The following PRKD1 variants were observed in gnomAD, a reference collection of about 807,000 sequenced individuals.
PRKD1 encodes the protein serine/threonine-protein kinase D1.
A neutral mutation model predicts 95.9 loss-of-function variants in PRKD1; 63 were observed. The observed-to-expected ratio is 0.66, with a 90% confidence interval of 0.54 to 0.81. The LOEUF is 0.81. Ranked by LOEUF, PRKD1 falls within the 30% of genes least tolerant of loss-of-function variation. The probability of loss-of-function intolerance (pLI) is 0.00; values close to 1 mark genes in which losing one functional copy is unlikely to be tolerated. For missense variants in PRKD1, 1,048 were observed against 1,165.3 expected, an observed-to-expected ratio of 0.90 and a Z score of 1.47; for synonymous variants, 425 against 423.1, an observed-to-expected ratio of 1.00 and a Z score of -0.05.
Position 29,725,625 on chromosome 14 carries a change from C to T in PRKD1, c.314G>A (p.Arg105His), listed in dbSNP as rs368595371. 15 of 1,613,152 alleles carry T rather than the reference C, an allele frequency of 9.3e-6. No individual in the cohort carries two copies. The highest frequency in any genetic ancestry group is 5.0e-5 in the Admixed American group (3 of 59,912). Residue 105 changes from arginine (R) to histidine (H), a missense_variant, in exon 2 of 18, where the codon CGC becomes CAC. Arg to His is a conservative substitution (Grantham distance 29). This residue lies in a region of PRKD1 where 275 missense variants were observed against 248.6 expected (regional missense o/e 1.11). Transcript: ENST00000331968. ...YGMYDKILLFRHDPTSENILQ... is the reference protein window; with the variant it reads ...YGMYDKILLFHHDPTSENILQ... Reference sequence around the variant, plus strand: ...GATGTTTTCAGAGGTAGGGTCATGGCGAAAAAGCAGGATCTTATCATACAT... The same window carrying T: ...GATGTTTTCAGAGGTAGGGTCATGGTGAAAAAGCAGGATCTTATCATACAT...
chr14:29,726,511 A>T (rs1050065521), intron 1 of PRKD1, among the ~76,000 whole-genome samples: 7 of 152,180 alleles, frequency 4.6e-5, no homozygotes, highest in African/African-American at 1.7e-4. Context: ...TTCATCCTGG[A>T]ACTGATGACA....
chr14:29,863,415 G>C (rs2139363184), intron 1 of PRKD1, among the ~76,000 whole-genome samples: 1 of 152,242 alleles, frequency 6.6e-6, no homozygotes, highest in East Asian at 1.9e-4. Flanking sequence ...CTCCCCTGGA[G>C]ATCGAAATGA....
chr14:29,621,708 A>G (rs2139082279), intron 13 of PRKD1, among the ~76,000 whole-genome samples: 1 of 152,318 alleles, frequency 6.6e-6, no homozygotes. Context: ...CCATGACAGC[A>G]AAGAGCTGTG....
chr14:29,593,779 G>A (rs1464051618), intron 16 of PRKD1, among the ~76,000 whole-genome samples: 1 of 152,168 alleles, frequency 6.6e-6, no homozygotes, highest in Non-Finnish European at 1.5e-5. Flanking sequence ...CTAAGTTACA[G>A]ATAGGTTTCT....
At chr14:29,766,227 T>G (rs891161880) in intron 1 of PRKD1, among the ~76,000 whole-genome samples, 2 of 152,104 alleles carry the variant, frequency 1.3e-5, no homozygotes, top group Admixed American at 6.6e-5. Context: ...ATCATATTGG[T>G]TCTTACTATA....
At chr14:29,873,091 C>T (rs1594593084) in intron 1 of PRKD1, among the ~76,000 whole-genome samples, 2 of 151,996 alleles carry the variant, frequency 1.3e-5, no homozygotes, top group Admixed American at 1.3e-4. Context: ...TATTATTTTA[C>T]TTTTTATTTT....
intron 1 of PRKD1, among the ~76,000 whole-genome samples, chr14:29,761,738 C>G (rs1422195604): frequency 6.6e-6 from 1 of 151,228 alleles, no homozygotes; most frequent in Non-Finnish European, 1.5e-5. Flanking sequence ...CCTTTTTACC[C>G]TTTAATAGGA....
chr14:29,852,843 A>G (rs777082047), intron 1 of PRKD1, among the ~76,000 whole-genome samples: 22 of 152,202 alleles, frequency 1.4e-4, no homozygotes, highest in Non-Finnish European at 2.2e-4. Context: ...TAGAAAGCAT[A>G]TAAAAAACAA....
At chr14:29,585,946 G>A (rs1286332745) in intron 16 of PRKD1, among the ~76,000 whole-genome samples, 2 of 152,196 alleles carry the variant, frequency 1.3e-5, no homozygotes, top group Non-Finnish European at 2.9e-5. Context: ...GCATGACTGT[G>A]CTAAGTAGTG....
chr14:29,716,727 T>C (rs1357031859), intron 2 of PRKD1, among the ~76,000 whole-genome samples: 1 of 152,252 alleles, frequency 6.6e-6, no homozygotes, highest in East Asian at 1.9e-4. Flanking sequence ...CAAGAATATT[T>C]AGGAAGAAAA....
chr14:29,628,032 T>C (rs1407633148), intron 11 of PRKD1, among the ~76,000 whole-genome samples: 2 of 152,166 alleles, frequency 1.3e-5, no homozygotes, highest in Non-Finnish European at 2.9e-5. Context: ...CCAAGAGGCT[T>C]ATAGAGTAAC....
At chr14:29,906,476 T>A (rs1436446511) in intron 1 of PRKD1, among the ~76,000 whole-genome samples, 1 of 151,932 alleles carries the variant, frequency 6.6e-6, no homozygotes, top group Non-Finnish European at 1.5e-5. Flanking sequence ...AGGTCAAGGC[T>A]GCAGTGAGCC....
In PRKD1 at chr14:29,824,929, C is replaced by CTTG. The variant is rs1891051820; in HGVS notation, c.265-99256_265-99255insCAA. ...ATTCTTTCACTCAACTGGACACTAA[C>CTTG]TCAGTAGATACCTACTTGTCAGTAG... is the stretch of plus-strand genomic sequence containing the variant. On this transcript the variant is annotated intron_variant, in intron 1 of 17. Transcript: ENST00000331968. Among the ~76,000 whole-genome samples the CTTG allele has an allele frequency of 3.2e-4, 48 of 152,236 alleles. 1 individual carries two copies. The highest frequency in any genetic ancestry group is 3.1e-3 in the Admixed American group (48 of 15,270).
At chr14:29,736,127 C>T (rs45443291) in intron 1 of PRKD1, among the ~76,000 whole-genome samples, 4,487 of 152,270 alleles carry the variant, frequency 0.029, 86 homozygotes, top group African/African-American at 0.051. Context: ...TAGACCCCTA[C>T]GAAGTAGGTC....
At chr14:29,927,198 GC>G in intron 1 of PRKD1, 50 bp downstream of exon 1, 5 of 1,431,516 alleles carry the variant, frequency 3.5e-6, no homozygotes, top group East Asian at 3.2e-5. Context: ...GCCGGGCAGC[GC>G]CCCCTGCGCC....
intron 2 of PRKD1, among the ~76,000 whole-genome samples, chr14:29,680,797 T>C (rs1883497598): frequency 6.6e-6 from 1 of 152,144 alleles, no homozygotes. Context: ...AAACGAGTCT[T>C]TTGAGATGTA....
At chr14:29,583,370 G>A (rs1216080134) in intron 16 of PRKD1, among the ~76,000 whole-genome samples, 2 of 152,076 alleles carry the variant, frequency 1.3e-5, no homozygotes, top group African/African-American at 2.4e-5. Flanking sequence ...TACCCTCTTC[G>A]CCTGCTATTT....
intron 1 of PRKD1, among the ~76,000 whole-genome samples, chr14:29,832,000 T>A (rs1045140292): frequency 1.2e-4 from 18 of 152,192 alleles, no homozygotes; most frequent in Non-Finnish European, 2.4e-4. Flanking sequence ...ACCATATTAT[T>A]ATTTATTTAA....
At chr14:29,665,557 A>G (rs1471972296) in intron 3 of PRKD1, among the ~76,000 whole-genome samples, 3 of 152,076 alleles carry the variant, frequency 2.0e-5, no homozygotes, top group Non-Finnish European at 2.9e-5. Context: ...AAAAGACATT[A>G]TTTTGTTCTT....
Sources: gnomAD v4.1 joint callset for allele counts (sites outside exome capture counted in the v4.1 genomes callset) on GRCh38, gnomAD v4.1.1 for gene constraint, gnomAD v4.1.1 regional missense constraint, MANE v1.5 for transcripts, NCBI Gene and HGNC (gene_info 2026-07-23, HGNC 2026-07-21) for gene names.